Variants in BRD1 observed in about 807,000 individuals in gnomAD.
BRD1 encodes the protein bromodomain containing 1, also known as bromodomain-containing protein 1.
In BRD1, 24 loss-of-function variants were observed where a neutral mutation model predicts 107.7. The observed-to-expected ratio is 0.22, with a 90% confidence interval of 0.16 to 0.31. The LOEUF is 0.31. Ranked by LOEUF, BRD1 falls within the 10% of genes least tolerant of loss-of-function variation. The pLI, the probability that BRD1 is intolerant of heterozygous loss-of-function variation, is 1.00. For missense variants in BRD1, 1,279 were observed against 1,638.6 expected (o/e 0.78, Z 3.79); for synonymous variants, 744 against 686.1 (o/e 1.08, Z -1.32).
At chr22:49,793,972 T>A in intron 7 of BRD1, 62 bp downstream of exon 7, 1 of 1,561,446 alleles carries the variant, frequency 6.4e-7, no homozygotes, top group Non-Finnish European at 8.6e-7. Flanking sequence ...TCTGTGCCTG[T>A]GCCTGTGCCT....
chr22:49,816,766 A>G lies in BRD1; in HGVS notation c.1367+6185T>C, dbSNP rs186644913. 1.2e-4 allele frequency among the ~76,000 whole-genome samples: 18 copies of G among 152,310 alleles called. No homozygotes were observed. In the East Asian group the frequency reaches 3.5e-3, roughly 29 times the overall value. ...AGACTAGGGCCAGGTGGCCTCCAACACTGCAGGAAGTGAGTCCAGGTAGGA... is the reference window on the plus strand; with the variant it reads ...AGACTAGGGCCAGGTGGCCTCCAACGCTGCAGGAAGTGAGTCCAGGTAGGA... On this transcript the variant is annotated intron_variant, in intron 2 of 12. Coordinates refer to ENST00000404760, the MANE Select transcript of BRD1 (RefSeq NM_001304808.3).
intron 8 of BRD1, among the ~76,000 whole-genome samples, chr22:49,780,447 C>A: frequency 6.6e-6 from 1 of 152,174 alleles, no homozygotes; most frequent in East Asian, 1.9e-4. Flanking sequence ...CCAGCCCAAC[C>A]GAGACACCAC....
rs144663772 is a variant in BRD1, at chr22:49,788,383, CAG to C, written c.2360-498_2360-497del. On this transcript the variant is annotated intron_variant, in intron 7 of 12. Coordinates refer to ENST00000404760, the MANE Select transcript of BRD1 (RefSeq NM_001304808.3). ...AAAACAAACAAACAAACAAAAAAAACAGGGAGTGGTGAGTGGCTGTGGATGAT... is the reference window on the plus strand; with the variant it reads ...AAAACAAACAAACAAACAAAAAAAACGGAGTGGTGAGTGGCTGTGGATGAT... Among the ~76,000 whole-genome samples the C allele has an allele frequency of 4.2e-3, 635 of 152,004 alleles. 1 individual carries two copies. Among genetic ancestry groups the C allele is most frequent in the African/African-American group, 0.014 (581 of 41,388 alleles).
At chr22:49,801,396 C>T (rs1456865115) in intron 3 of BRD1, among the ~76,000 whole-genome samples, 2 of 152,222 alleles carry the variant, frequency 1.3e-5, no homozygotes, top group African/African-American at 2.4e-5. Flanking sequence ...CATCCACCTG[C>T]CCCCACCACA....
At chr22:49,808,284 A>G (rs558730592) in intron 2 of BRD1, among the ~76,000 whole-genome samples, 4 of 152,258 alleles carry the variant, frequency 2.6e-5, no homozygotes, top group South Asian at 4.1e-4. Flanking sequence ...CCAAGAGCCC[A>G]TGGAGGAAGG....
At position 49,780,452 on chromosome 22, in the gene BRD1, C is replaced by T. The variant is rs1057414234; in HGVS notation, c.2858-2639G>A. Among the ~76,000 whole-genome samples, 4 of 152,302 alleles carry T rather than the reference C, an allele frequency of 2.6e-5. No individual in the cohort carries two copies. The South Asian group carries it at 8.3e-4, about 32-fold the overall frequency. ...ACAGACAAACCCAGCCCAACCGAGACACCACCCAGCAGGAGGCCTGGCGGG... is the reference window on the plus strand; with the variant it reads ...ACAGACAAACCCAGCCCAACCGAGATACCACCCAGCAGGAGGCCTGGCGGG... On this transcript the variant is annotated intron_variant, in intron 8 of 12. Coordinates refer to ENST00000404760, the MANE Select transcript of BRD1 (RefSeq NM_001304808.3).
intron 2 of BRD1, among the ~76,000 whole-genome samples, chr22:49,810,479 T>C (rs1326883502): frequency 6.6e-6 from 1 of 152,208 alleles, no homozygotes; most frequent in Non-Finnish European, 1.5e-5. Context: ...GCAGATAAAC[T>C]GGACTCCATC....
chr22:49,822,370 G>A, intron 2 of BRD1, among the ~76,000 whole-genome samples: 1 of 151,538 alleles, frequency 6.6e-6, no homozygotes, highest in Admixed American at 6.6e-5. Context: ...GTTGCAGAGA[G>A]CTGAAATCGT....
At chr22:49,793,459 G>A (rs2059470735) in intron 7 of BRD1, among the ~76,000 whole-genome samples, 1 of 152,162 alleles carries the variant, frequency 6.6e-6, no homozygotes, top group African/African-American at 2.4e-5. Context: ...CTTTGGCAAC[G>A]ATCACGGCTG....
chr22:49,781,258 C>T (rs1414061975), intron 8 of BRD1, among the ~76,000 whole-genome samples: 3 of 152,192 alleles, frequency 2.0e-5, no homozygotes, highest in Non-Finnish European at 4.4e-5. Flanking sequence ...AAGCGCAGTC[C>T]CCGGAAGCCT....
chr22:49,820,380 T>G (rs565809616), intron 2 of BRD1, among the ~76,000 whole-genome samples: 1 of 152,060 alleles, frequency 6.6e-6, no homozygotes, highest in Non-Finnish European at 1.5e-5. Flanking sequence ...ACCGGAGCCA[T>G]TGGTTAGTGC....
At chr22:49,815,789 G>A (rs1022601563) in intron 2 of BRD1, among the ~76,000 whole-genome samples, 15 of 152,196 alleles carry the variant, frequency 9.9e-5, no homozygotes, top group African/African-American at 3.1e-4. Flanking sequence ...CGTCCACCCA[G>A]GTGCCCTCCC....
chr22:49,819,274 G>C (rs958232903), intron 2 of BRD1, among the ~76,000 whole-genome samples: 1 of 150,822 alleles, frequency 6.6e-6, no homozygotes, highest in Admixed American at 6.6e-5. Flanking sequence ...AAAAAAAGAA[G>C]AACAGAAAAG....
intron 2 of BRD1, among the ~76,000 whole-genome samples, chr22:49,815,278 C>G (rs139879200): frequency 0.011 from 1,633 of 152,296 alleles, 16 homozygotes; most frequent in Admixed American, 0.017. Context: ...GTGGCTTATG[C>G]CTGTAATCCC....
At chr22:49,798,888 G>A in intron 4 of BRD1, 100 bp downstream of exon 4, 1 of 1,487,584 alleles carries the variant, frequency 6.7e-7, no homozygotes, top group Non-Finnish European at 8.9e-7. Flanking sequence ...CTGTGGGCCA[G>A]GACCCACCGG....
At chr22:49,810,140 G>C (rs1472829815) in intron 2 of BRD1, among the ~76,000 whole-genome samples, 1 of 152,142 alleles carries the variant, frequency 6.6e-6, no homozygotes, top group African/African-American at 2.4e-5. Flanking sequence ...AAGAAAGAAA[G>C]AGAAAGAAAG....
chr22:49,824,483 C>T lies in BRD1; in HGVS notation c.-14-152G>A. The T allele has an allele frequency of 6.9e-7, 1 of 1,441,496 alleles. No individual in the cohort carries two copies. Among genetic ancestry groups the T allele is most frequent in the South Asian group, 1.5e-5 (1 of 67,594 alleles). The allele number at this position is 1,441,496 out of a possible 1,614,324, so 89.3% of individuals were successfully genotyped here. A position where few individuals can be genotyped will look rare whatever the true frequency, so the allele number is the denominator to read the frequency against. ...TAACCTCTTTCCAAGGTGTCCAAAACCACACATCCAGGCCTGAGCGAGTCC... is the reference window on the plus strand; with the variant it reads ...TAACCTCTTTCCAAGGTGTCCAAAATCACACATCCAGGCCTGAGCGAGTCC... On this transcript the variant is annotated intron_variant, in intron 1 of 12. Transcript: ENST00000404760. The surrounding 1 kb of genome is among the most constrained non-coding windows in gnomAD (Gnocchi z 5.9).
chr22:49,795,021 G>A (rs558345966), intron 6 of BRD1, among the ~76,000 whole-genome samples: 1 of 152,024 alleles, frequency 6.6e-6, no homozygotes, highest in South Asian at 2.1e-4. Context: ...AAAAAAGTAA[G>A]ACTGCCCAAA....
intron 3 of BRD1, among the ~76,000 whole-genome samples, chr22:49,801,528 G>A (rs895547568): frequency 1.3e-5 from 2 of 152,222 alleles, no homozygotes; most frequent in Admixed American, 1.3e-4. Flanking sequence ...GAAGGCAGAA[G>A]CACAGTCTCT....
Sources: allele counts gnomAD v4.1 joint callset (sites outside exome capture counted in the v4.1 genomes callset), GRCh38; gene constraint gnomAD v4.1.1; non-coding constraint Gnocchi (gnomAD v3.1); transcripts MANE v1.5; gene names NCBI Gene and HGNC (gene_info 2026-07-23, HGNC 2026-07-21).